PCDHB1: variants seen among roughly 807,000 people sequenced by gnomAD.
PCDHB1 encodes the protein protocadherin beta-1.
A neutral mutation model predicts 43.5 loss-of-function variants in PCDHB1; 44 were observed. The observed-to-expected ratio is 1.01, with a 90% CI of 0.79 to 1.30. The LOEUF (loss-of-function observed/expected upper bound fraction) is 1.30. Among genes scored for constraint, PCDHB1 ranks in the 50% most tolerant of loss-of-function variants. The pLI is 0.00. For missense variants in PCDHB1, 919 were observed against 1,008.9 expected (o/e 0.91, Z 1.21); for synonymous variants, 392 against 400.8 (o/e 0.98, Z 0.26).
Position 141,052,517 on chromosome 5 carries a change from C to G in PCDHB1, c.1047C>G (p.Val349=), listed in dbSNP as rs1751012026. Residue 349 remains valine, a synonymous_variant, in exon 1 of 1, where the codon GTC becomes GTG. Coordinates refer to ENST00000306549, the MANE Select transcript of PCDHB1 (RefSeq NM_013340.4). ...ATGACAATCCTCCCGAAGTGATGGT[C>G]TCCTCTGTGTCCAGCCCACTCCCTG... ...DVNDNPPEVM[V]SSVSSPLPED... The G allele has an allele frequency of 6.2e-7, 1 of 1,614,160 alleles. No homozygotes were observed.
In PCDHB1 at chr5:141,051,452, A is replaced by G; in HGVS notation, c.-19A>G. The G allele has an allele frequency of 1.9e-6, 3 of 1,611,778 alleles. No homozygotes were observed. The highest frequency in any genetic ancestry group is 3.3e-5 in the Admixed American group (2 of 59,994). ...GCAACAGTTGGCTCTGATTGCAGAG[A>G]GCGCGCTTGTGAGAACTGATGGCGG... is the stretch of plus-strand genomic sequence containing the variant. On this transcript the variant is annotated 5_prime_UTR_variant, in exon 1 of 1. Coordinates refer to ENST00000306549, the MANE Select transcript of PCDHB1 (RefSeq NM_013340.4).
In PCDHB1 at chr5:141,054,143, T is replaced by C; in HGVS notation, c.*216T>C. 2.1e-6 allele frequency: 1 copy of C among 469,770 alleles called. No homozygotes were observed. The highest frequency in any genetic ancestry group is 3.8e-6 in the Non-Finnish European group (1 of 266,062). 29.1% of individuals were successfully genotyped at this position (469,770 alleles called of 1,614,324 possible). A position where few individuals can be genotyped will look rare whatever the true frequency, so the allele number is the denominator to read the frequency against. ...TCCCCAGATCATATATCTATAACCCTTTCTCCAGTTGGAATTCTGTTTAAA... is the reference window on the plus strand; with the variant it reads ...TCCCCAGATCATATATCTATAACCCCTTCTCCAGTTGGAATTCTGTTTAAA... On this transcript the variant is annotated 3_prime_UTR_variant, in exon 1 of 1. Transcript: ENST00000306549.
At position 141,051,509 on chromosome 5, in the gene PCDHB1, A is replaced by T. The variant is rs1304172810; in HGVS notation, c.39A>T (p.Gln13His). ...GTRRKSLQNR[Q>H]VGSLLIFLCI... Reference sequence around the variant, plus strand: ...GCAGAAAATCTTTGCAAAACAGGCAAGTGGGATCTCTTCTCATTTTTCTGT... The same window carrying T: ...GCAGAAAATCTTTGCAAAACAGGCATGTGGGATCTCTTCTCATTTTTCTGT... Residue 13 changes from glutamine (Q) to histidine (H), a missense_variant, in exon 1 of 1, where the codon CAA becomes CAT. Transcript: ENST00000306549. 4 of 1,614,234 alleles carry T rather than the reference A, an allele frequency of 2.5e-6. No homozygotes were observed. The highest frequency in any genetic ancestry group is 3.4e-6 in the Non-Finnish European group (4 of 1,180,034).
chr5:141,051,893 G>C lies in PCDHB1; in HGVS notation c.423G>C (p.Lys141Asn). 1 of 1,614,200 alleles carries C rather than the reference G, an allele frequency of 6.2e-7. No homozygotes were observed. The highest frequency in any genetic ancestry group is 8.5e-7 in the Non-Finnish European group (1 of 1,180,038). The change falls in exon 1 of 1, where the codon AAG (lysine) becomes AAC (asparagine). Residue 141 changes from lysine to asparagine, a missense_variant. By Grantham distance (94) the Lys-to-Asn change is moderately conservative. Coordinates refer to ENST00000306549, the MANE Select transcript of PCDHB1 (RefSeq NM_013340.4). ...TCCTAAACAAGGAGCCGCTTTTAAA[G>C]ATTCCGGAGAGCACCCCTTTGGGTT... ...PVFLNKEPLL[K>N]IPESTPLGSR...
In PCDHB1 at chr5:141,057,020, A is replaced by G. The variant is rs1408214636; in HGVS notation, c.*3093A>G. 1 of 152,246 alleles carries G rather than the reference A, an allele frequency of 6.6e-6. No homozygotes were observed. The highest frequency in any genetic ancestry group is 1.5e-5 in the Non-Finnish European group (1 of 68,048). The allele number at this position is 152,246 out of a possible 1,614,324, so 9.4% of individuals were successfully genotyped here. A position where few individuals can be genotyped will look rare whatever the true frequency, so the allele number is the denominator to read the frequency against. ...ACACTTAATGATGTGAACATAATCA[A>G]TGGAAACTGGCTTAATGTCAAGGAT... On this transcript the variant is annotated 3_prime_UTR_variant, in exon 1 of 1. Transcript: ENST00000306549.
rs898574414 is a variant in PCDHB1 at position 141,052,379 on chromosome 5, A to G, written c.909A>G (p.Leu303=). ...QIDPQNGEVR[L]RGPLDFEAIE... Reference sequence around the variant, plus strand: ...ACCCTCAAAATGGAGAAGTTCGACTAAGAGGACCCCTCGATTTTGAAGCCA... The same window carrying G: ...ACCCTCAAAATGGAGAAGTTCGACTGAGAGGACCCCTCGATTTTGAAGCCA... The change falls in exon 1 of 1, where the codon CTA becomes CTG. Residue 303 remains leucine (L), a synonymous_variant. Coordinates refer to ENST00000306549, the MANE Select transcript of PCDHB1 (RefSeq NM_013340.4). The G allele has an allele frequency of 6.2e-7, 1 of 1,614,092 alleles. No individual in the cohort carries two copies. The highest frequency in any genetic ancestry group is 1.3e-5 in the African/African-American group (1 of 74,940).
rs563521904 is a variant in PCDHB1, at chr5:141,055,332, G to C, written c.*1405G>C. 14 of 152,690 alleles carry C rather than the reference G, an allele frequency of 9.2e-5. No individual in the cohort carries two copies. Among genetic ancestry groups the C allele is most frequent in the African/African-American group, 3.4e-4 (14 of 41,574 alleles). 9.5% of individuals were successfully genotyped at this position (152,690 alleles called of 1,614,324 possible). A position where few individuals can be genotyped will look rare whatever the true frequency, so the allele number is the denominator to read the frequency against. ...CCAGGTACTCAAGAGGCTGAGGCTG[G>C]AGAATCGCTTGAACCTGGGAGGTGG... is the stretch of plus-strand genomic sequence containing the variant. On this transcript the variant is annotated 3_prime_UTR_variant, in exon 1 of 1. Coordinates refer to ENST00000306549, the MANE Select transcript of PCDHB1 (RefSeq NM_013340.4).
At position 141,058,522 on chromosome 5, in the gene PCDHB1, T is replaced by C. The variant is rs567860083; in HGVS notation, c.*4595T>C. 1 of 152,230 alleles carries C rather than the reference T, an allele frequency of 6.6e-6. No homozygotes were observed. The highest frequency in any genetic ancestry group is 1.5e-5 in the Non-Finnish European group (1 of 68,042). 9.4% of individuals were successfully genotyped at this position (152,230 alleles called of 1,614,324 possible). On this transcript the variant is annotated 3_prime_UTR_variant, in exon 1 of 1. Transcript: ENST00000306549. ...ATTGTGGTAAAGAACTTATAAAATGTACCATGTTAGCCATTTTTAAGTATG... is the reference window on the plus strand; with the variant it reads ...ATTGTGGTAAAGAACTTATAAAATGCACCATGTTAGCCATTTTTAAGTATG...
At position 141,052,249 on chromosome 5, in the gene PCDHB1, T is replaced by C. The variant is rs782709576; in HGVS notation, c.779T>C (p.Leu260Ser). The change falls in exon 1 of 1, where the codon TTG (leucine) becomes TCG (serine). Residue 260 changes from leucine (L) to serine (S), a missense_variant. Leu to Ser is a moderately radical substitution (Grantham distance 145). Coordinates refer to ENST00000306549, the MANE Select transcript of PCDHB1 (RefSeq NM_013340.4). ...QVSENSPNGS[L>S]VATVTAVDLD... ...TCAGAGAACAGCCCCAATGGCTCTTTGGTGGCCACGGTGACTGCCGTGGAC... is the reference window on the plus strand; with the variant it reads ...TCAGAGAACAGCCCCAATGGCTCTTCGGTGGCCACGGTGACTGCCGTGGAC... 3.7e-6 allele frequency: 6 copies of C among 1,614,064 alleles called. No homozygotes were observed. The highest frequency in any genetic ancestry group is 5.1e-6 in the Non-Finnish European group (6 of 1,180,046).
Position 141,052,124 on chromosome 5 carries a change from G to A in PCDHB1, c.654G>A (p.Gly218=). The change falls in exon 1 of 1, where the codon GGG becomes GGA. Residue 218 remains glycine, a synonymous_variant. Coordinates refer to ENST00000306549, the MANE Select transcript of PCDHB1 (RefSeq NM_013340.4). ...TGACAATTACGGCGGTGGACGGCGG[G>A]TCCCCGCCTAAGTCTGGCACAGCTC... The part of the protein sequence containing the change: ...VNLTITAVDG[G]SPPKSGTAHI... 4 of 1,612,788 alleles carry A rather than the reference G, an allele frequency of 2.5e-6. No individual in the cohort carries two copies. The South Asian group carries it at 4.4e-5, about 18-fold the overall frequency.
At position 141,058,447 on chromosome 5, in the gene PCDHB1, G is replaced by A. The variant is rs1751176563; in HGVS notation, c.*4520G>A. 1 of 152,084 alleles carries A rather than the reference G, an allele frequency of 6.6e-6. No homozygotes were observed. The highest frequency in any genetic ancestry group is 2.4e-5 in the African/African-American group (1 of 41,428). The allele number at this position is 152,084 out of a possible 1,614,324, so 9.4% of individuals were successfully genotyped here. A position where few individuals can be genotyped will look rare whatever the true frequency, so the allele number is the denominator to read the frequency against. ...CCTTTTCAGTGCATCACGTCAGCAG[G>A]TATGTGATGCCAATGTCACACTACT... On this transcript the variant is annotated 3_prime_UTR_variant, in exon 1 of 1. Transcript: ENST00000306549.
chr5:141,058,183 A>G lies in PCDHB1; in HGVS notation c.*4256A>G, dbSNP rs1554267974. Reference sequence around the variant, plus strand: ...ATTCAAATTTAACAGTTTTCCCCCAATGTCCTTTTTCTATTCAAGGATCCA... The same window carrying G: ...ATTCAAATTTAACAGTTTTCCCCCAGTGTCCTTTTTCTATTCAAGGATCCA... On this transcript the variant is annotated 3_prime_UTR_variant, in exon 1 of 1. Transcript: ENST00000306549. 2.0e-5 allele frequency: 3 copies of G among 152,240 alleles called. 1 individual carries two copies. Among genetic ancestry groups the G allele is most frequent in the South Asian group, 4.2e-4 (2 of 4,816 alleles). 9.4% of individuals were successfully genotyped at this position (152,240 alleles called of 1,614,324 possible).
At position 141,053,198 on chromosome 5, in the gene PCDHB1, G is replaced by C. The variant is rs1554267415; in HGVS notation, c.1728G>C (p.Leu576=). The change falls in exon 1 of 1, where the codon CTG becomes CTC. Residue 576 remains leucine (L), a synonymous_variant. Transcript: ENST00000306549. ...ACGGCACCTTGCCCTGCAATGACCT[G>C]GTGCCCAGGTCTGCAGAGGCAGGCT... ...LQNGTLPCND[L]VPRSAEAGYL... 6.2e-7 allele frequency: 1 copy of C among 1,614,174 alleles called. No individual in the cohort carries two copies. Among genetic ancestry groups the C allele is most frequent in the East Asian group, 2.2e-5 (1 of 44,884 alleles).
chr5:141,051,983 C>G lies in PCDHB1; in HGVS notation c.513C>G (p.Thr171=), dbSNP rs1750986711. ...DVGLNGLQNY[T]LSANGYFHLH... ...GCCTTAACGGTCTCCAGAACTACACCCTGAGTGCCAATGGGTATTTCCACC... is the reference window on the plus strand; with the variant it reads ...GCCTTAACGGTCTCCAGAACTACACGCTGAGTGCCAATGGGTATTTCCACC... The change falls in exon 1 of 1, where the codon ACC becomes ACG. Residue 171 remains threonine (T), a synonymous_variant. Coordinates refer to ENST00000306549, the MANE Select transcript of PCDHB1 (RefSeq NM_013340.4). The G allele has an allele frequency of 6.2e-7, 1 of 1,614,072 alleles. No homozygotes were observed. The highest frequency in any genetic ancestry group is 8.5e-7 in the Non-Finnish European group (1 of 1,180,038).
Position 141,053,057 on chromosome 5 carries a change from A to C in PCDHB1, c.1587A>C (p.Gln529His). The C allele has an allele frequency of 6.2e-7, 1 of 1,614,176 alleles. No homozygotes were observed. The highest frequency in any genetic ancestry group is 1.7e-5 in the Admixed American group (1 of 60,024). Residue 529 changes from glutamine (Q) to histidine (H), a missense_variant, in exon 1 of 1, where the codon CAA becomes CAC. Transcript: ENST00000306549. ...ATTATGAGGCCATTCAAGATTTTCA[A>C]TTTGTGGTAAAGGCAACTGATGGGG... ...TMDYEAIQDF[Q>H]FVVKATDGGF...
In PCDHB1 at chr5:141,053,195, C is replaced by A. The variant is rs782264329; in HGVS notation, c.1725C>A (p.Asp575Glu). The A allele has an allele frequency of 1.9e-5, 31 of 1,614,208 alleles. No homozygotes were observed. In the Admixed American group the frequency reaches 3.3e-4, roughly 17 times the overall value. ...AGAACGGCACCTTGCCCTGCAATGA[C>A]CTGGTGCCCAGGTCTGCAGAGGCAG... ...PLQNGTLPCN[D>E]LVPRSAEAGY... The change falls in exon 1 of 1, where the codon GAC (aspartate) becomes GAA (glutamate). Residue 575 changes from aspartate to glutamate, a missense_variant. Physicochemically the swap from Asp to Glu is conservative, Grantham distance 45 (BLOSUM62 2). Transcript: ENST00000306549.
At position 141,051,690 on chromosome 5, in the gene PCDHB1, C is replaced by T; in HGVS notation, c.220C>T (p.His74Tyr). The change falls in exon 1 of 1, where the codon CAT becomes TAT. Residue 74 changes from histidine (H) to tyrosine (Y), a missense_variant. Transcript: ENST00000306549. ...GCTGGTTTCCGAGGGCAACAAAATG[C>T]ATTTCCGGCTCCACCGCAAGACGGG... is the stretch of plus-strand genomic sequence containing the variant. ...ARLVSEGNKM[H>Y]FRLHRKTGDL... 1 of 1,614,136 alleles carries T rather than the reference C, an allele frequency of 6.2e-7. No homozygotes were observed. Among genetic ancestry groups the T allele is most frequent in the African/African-American group, 1.3e-5 (1 of 75,046 alleles).
rs185074426 is a variant in PCDHB1, at chr5:141,058,059, C to T, written c.*4132C>T. 2 of 152,270 alleles carry T rather than the reference C, an allele frequency of 1.3e-5. No homozygotes were observed. Among genetic ancestry groups the T allele is most frequent in the African/African-American group, 4.8e-5 (2 of 41,546 alleles). The allele number at this position is 152,270 out of a possible 1,614,324, so 9.4% of individuals were successfully genotyped here. A position where few individuals can be genotyped will look rare whatever the true frequency, so the allele number is the denominator to read the frequency against. On this transcript the variant is annotated 3_prime_UTR_variant, in exon 1 of 1. Transcript: ENST00000306549. ...ATAGATAGTTCCTGTATATCCTTCA[C>T]CTAACTTCCCGGAATGCTAACATCT...
At position 141,051,383 on chromosome 5, in the gene PCDHB1, G is replaced by A; in HGVS notation, c.-88G>A. On this transcript the variant is annotated 5_prime_UTR_variant, in exon 1 of 1. Coordinates refer to ENST00000306549, the MANE Select transcript of PCDHB1 (RefSeq NM_013340.4). ...CAGTTAGAGGCTAGTGAAGCGGAGA[G>A]CAGCTGTTGCAGTAACCTGTTGCAG... 1 of 1,401,998 alleles carries A rather than the reference G, an allele frequency of 7.1e-7. No homozygotes were observed. Among genetic ancestry groups the A allele is most frequent in the Non-Finnish European group, 9.9e-7 (1 of 1,011,506 alleles). 86.8% of individuals were successfully genotyped at this position (1,401,998 alleles called of 1,614,324 possible).
Sources: gnomAD v4.1 joint callset for allele counts on GRCh38, gnomAD v4.1.1 for gene constraint, MANE v1.5 for transcripts, NCBI Gene and HGNC (gene_info 2026-07-23, HGNC 2026-07-21) for gene names.